The following ABCA10 variants were observed in gnomAD, a reference collection of about 807,000 sequenced individuals.
The protein encoded by ABCA10 is ATP-binding cassette sub-family A member 10.
A neutral mutation model predicts 187.5 loss-of-function variants in ABCA10; 169 were observed. The observed-to-expected ratio is 0.90, with a 90% confidence interval of 0.80 to 1.02. ABCA10 has a LOEUF of 1.02. Among genes scored for constraint, ABCA10 ranks in the 50% least tolerant of loss-of-function variants. The probability of loss-of-function intolerance (pLI) is 0.00; values close to 1 mark genes in which losing one functional copy is unlikely to be tolerated. For synonymous variants in ABCA10, 574 were observed against 601.8 expected (o/e 0.95, Z 0.68); for missense variants, 1,727 against 1,812.4 (o/e 0.95, Z 0.86).
At chr17:69,183,115 TAG>T (rs2074393095) in intron 20 of ABCA10, among the ~76,000 whole-genome samples, 1 of 152,190 alleles carries the variant, frequency 6.6e-6, no homozygotes, top group African/African-American at 2.4e-5. Flanking sequence ...GAAAATTTGC[TAG>T]GAGTGACTTT....
chr17:69,222,126 G>A (rs898437112), intron 4 of ABCA10, among the ~76,000 whole-genome samples: 4 of 152,004 alleles, frequency 2.6e-5, no homozygotes, highest in Admixed American at 6.6e-5. Flanking sequence ...AGGCCGAGGC[G>A]GGTGGATCAT....
At chr17:69,196,501 C>G (rs553075284) in intron 11 of ABCA10, 3 of 167,820 alleles carry the variant, frequency 1.8e-5, no homozygotes, top group Non-Finnish European at 2.5e-5. Flanking sequence ...GGATGGTAGC[C>G]GGGAAGAGGC....
At chr17:69,149,950 A>T in intron 37 of ABCA10, 34 bp downstream of exon 37, 1 of 1,472,154 alleles carries the variant, frequency 6.8e-7, no homozygotes, top group Non-Finnish European at 9.4e-7. Context: ...TGCAACCAAT[A>T]CATAAAGTCT....
At position 69,157,810 on chromosome 17, in the gene ABCA10, G is replaced by GA. The variant is rs969490220; in HGVS notation, c.3364-888dup. ...AGATAGAAATAAAACAAGTCCACAG[G>GA]AAAAAAAAAATGAATTTTAGATGAT... On this transcript the variant is annotated intron_variant, in intron 27 of 38. Transcript: ENST00000690296. Among the ~76,000 whole-genome samples, 190 of 143,900 alleles carry GA rather than the reference G, an allele frequency of 1.3e-3. 1 individual carries two copies. The highest frequency in any genetic ancestry group is 3.1e-3 in the African/African-American group (122 of 39,332). The allele number at this position is 143,900 out of a possible 152,430, so 94.4% of individuals were successfully genotyped here.
At chr17:69,211,367 ACAC>A (rs2074657317) in intron 9 of ABCA10, among the ~76,000 whole-genome samples, 1 of 140,854 alleles carries the variant, frequency 7.1e-6, no homozygotes, top group Non-Finnish European at 1.5e-5. Context: ...ATATACACAC[ACAC>A]CACATTTTCT....
At chr17:69,183,076 T>C (rs938766590) in intron 20 of ABCA10, among the ~76,000 whole-genome samples, 1 of 152,160 alleles carries the variant, frequency 6.6e-6, no homozygotes, top group Non-Finnish European at 1.5e-5. Context: ...AAAGAGTTTA[T>C]GAAAATAAGA....
intron 9 of ABCA10, among the ~76,000 whole-genome samples, chr17:69,205,688 A>C (rs2074586333): frequency 6.6e-6 from 1 of 152,224 alleles, no homozygotes; most frequent in Non-Finnish European, 1.5e-5. Flanking sequence ...AAAGCTGATT[A>C]TTAAAATTAT....
intron 1 of ABCA10, among the ~76,000 whole-genome samples, chr17:69,235,290 T>A (rs1214599488): frequency 6.6e-6 from 1 of 152,196 alleles, no homozygotes; most frequent in Non-Finnish European, 1.5e-5. Flanking sequence ...AAGGAGGGAT[T>A]TATAACCGGT....
chr17:69,224,640 T>C (rs998780038), intron 3 of ABCA10, among the ~76,000 whole-genome samples: 5 of 146,406 alleles, frequency 3.4e-5, no homozygotes, highest in Non-Finnish European at 6.0e-5. Flanking sequence ...CTACATAACA[T>C]AGAGACATCT....
intron 22 of ABCA10, among the ~76,000 whole-genome samples, chr17:69,180,345 A>T (rs1415586721): frequency 6.6e-6 from 1 of 152,194 alleles, no homozygotes; most frequent in East Asian, 1.9e-4. Flanking sequence ...TGTGCTAGAA[A>T]TAAGTCAAGT....
At chr17:69,230,894 C>T (rs145125325), upstream of ABCA10, among the ~76,000 whole-genome samples, 467 of 152,088 alleles carry the variant, frequency 3.1e-3, no homozygotes, top group Admixed American at 5.0e-3. Flanking sequence ...TCTCTCCTTC[C>T]ATCTTTCTTT....
intron 8 of ABCA10, 64 bp downstream of exon 8, chr17:69,215,751 A>G: frequency 7.5e-7 from 1 of 1,327,150 alleles, no homozygotes; most frequent in Non-Finnish European, 9.8e-7. Flanking sequence ...GAGGCACCAA[A>G]TTCTTGAATA....
intron 10 of ABCA10, among the ~76,000 whole-genome samples, chr17:69,199,124 C>T (rs969051266): frequency 2.6e-5 from 4 of 152,196 alleles, no homozygotes; most frequent in African/African-American, 9.7e-5. Context: ...TCACATACCC[C>T]ACCATACTTT....
At chr17:69,233,908 T>G (rs2074847424) in intron 1 of ABCA10, 1 of 152,210 alleles carries the variant, frequency 6.6e-6, no homozygotes, top group Admixed American at 6.5e-5. Context: ...CCAGGTTGTA[T>G]GAAAAATCTG....
At chr17:69,211,821 G>A (rs1462179931) in intron 9 of ABCA10, among the ~76,000 whole-genome samples, 1 of 152,004 alleles carries the variant, frequency 6.6e-6, no homozygotes, top group African/African-American at 2.4e-5. Flanking sequence ...TGTGTTATCA[G>A]TTGTAATATC....
intron 7 of ABCA10, 87 bp from the exon 8 acceptor site, chr17:69,216,087 A>C: frequency 6.4e-7 from 1 of 1,554,814 alleles, no homozygotes; most frequent in Non-Finnish European, 8.7e-7. Flanking sequence ...ATTGTCAAAA[A>C]TTTTCTCAAA....
At chr17:69,178,384 C>A (rs1568057520) in intron 22 of ABCA10, among the ~76,000 whole-genome samples, 1 of 152,126 alleles carries the variant, frequency 6.6e-6, no homozygotes, top group Non-Finnish European at 1.5e-5. Flanking sequence ...TAGTGGTTCT[C>A]TAAGTGTGGT....
chr17:69,154,084 T>C, intron 31 of ABCA10, 75 bp from the exon 32 acceptor site: 1 of 1,535,632 alleles, frequency 6.5e-7, no homozygotes, highest in Non-Finnish European at 8.8e-7. Context: ...GAGATAAAAG[T>C]GGCCATTAAG....
Position 69,225,452 on chromosome 17 carries a change from T to G in ABCA10, c.-94A>C. 1 of 1,375,214 alleles carries G rather than the reference T, an allele frequency of 7.3e-7. No homozygotes were observed. Among genetic ancestry groups the G allele is most frequent in the Non-Finnish European group, 1.0e-6 (1 of 976,668 alleles). 85.2% of individuals were successfully genotyped at this position (1,375,214 alleles called of 1,614,324 possible). A position where few individuals can be genotyped will look rare whatever the true frequency, so the allele number is the denominator to read the frequency against. On this transcript the variant is annotated 5_prime_UTR_variant, in exon 3 of 39. Transcript: ENST00000690296. ...CGCTTCCCAGGACTTTAGGAGGTTG[T>G]TCAGGAAAACGGGTAGCTCTGAAGT...
Sources: allele counts gnomAD v4.1 joint callset (sites outside exome capture counted in the v4.1 genomes callset), GRCh38; gene constraint gnomAD v4.1.1; transcripts MANE v1.5; gene names NCBI Gene and HGNC (gene_info 2026-07-23, HGNC 2026-07-21).